FRMPD4: variants seen among roughly 807,000 people sequenced by gnomAD.
FRMPD4 encodes the protein FERM and PDZ domain-containing protein 4.
Under a neutral mutation model 94.1 loss-of-function variants are expected in FRMPD4, and 22 were observed. That is an observed-to-expected ratio of 0.23 (90% confidence interval 0.17 to 0.33). The LOEUF (loss-of-function observed/expected upper bound fraction) is 0.33. Among genes scored for constraint, FRMPD4 ranks in the 10% least tolerant of loss-of-function variants. The pLI, the probability that FRMPD4 is intolerant of heterozygous loss-of-function variation, is 1.00. For missense variants in FRMPD4, 1,111 were observed against 1,339.9 expected (o/e 0.83, Z 2.67); for synonymous variants, 631 against 548.6 (o/e 1.15, Z -2.10).
intron 1 of FRMPD4, among the ~76,000 whole-genome samples, chrX:11,836,150 C>T (rs1229841951): frequency 9.0e-6 from 1 of 111,390 alleles, no homozygotes; most frequent in African/African-American, 3.3e-5. Flanking sequence ...ATATCTTTTC[C>T]TCTTGGTGAT....
chrX:12,387,460 G>A (rs1470410382), intron 1 of FRMPD4, among the ~76,000 whole-genome samples: 2 of 111,877 alleles, frequency 1.8e-5, no homozygotes, highest in Admixed American at 1.9e-4. Context: ...AGAGTGAAAT[G>A]AATCTCACTC....
chrX:12,234,579 C>T (rs1454730636), intron 1 of FRMPD4, among the ~76,000 whole-genome samples: 2 of 111,842 alleles, frequency 1.8e-5, no homozygotes, highest in Non-Finnish European at 3.8e-5. Context: ...GTTTCTCCTA[C>T]TGCACTTTGT....
At chrX:12,211,035 G>C (rs966111944) in intron 1 of FRMPD4, among the ~76,000 whole-genome samples, 1 of 112,275 alleles carries the variant, frequency 8.9e-6, no homozygotes, top group Non-Finnish European at 1.9e-5. Context: ...TTCAGTGGGT[G>C]ATTATTCATT....
chrX:12,262,336 C>T (rs923682892), intron 1 of FRMPD4, among the ~76,000 whole-genome samples: 1 of 111,360 alleles, frequency 9.0e-6, no homozygotes, highest in Non-Finnish European at 1.9e-5. Context: ...GCTTGAACTC[C>T]TGGCCTAAAG....
chrX:12,183,017 G>C (rs2056379782), intron 1 of FRMPD4, among the ~76,000 whole-genome samples: 1 of 111,242 alleles, frequency 9.0e-6, no homozygotes, highest in East Asian at 2.8e-4. Flanking sequence ...TCTGGGATTT[G>C]AAGTCTCGTC....
intron 3 of FRMPD4, among the ~76,000 whole-genome samples, chrX:12,025,409 AG>A (rs1403376750): frequency 9.0e-6 from 1 of 110,594 alleles, no homozygotes; most frequent in East Asian, 2.8e-4. Flanking sequence ...GAAAAAAAAA[AG>A]GAACTCCTGA....
At chrX:12,635,631 C>T (rs892047558) in intron 4 of FRMPD4, among the ~76,000 whole-genome samples, 4 of 110,876 alleles carry the variant, frequency 3.6e-5, no homozygotes, top group East Asian at 2.8e-4. Context: ...TATTCCTGCC[C>T]GTGAGAAAAG....
chrX:12,498,877 T>A, intron 2 of FRMPD4, 81 bp downstream of exon 2: 1 of 541,307 alleles, frequency 1.8e-6, no homozygotes, highest in Non-Finnish European at 3.0e-6. Flanking sequence ...TGAACATACT[T>A]AAATTAGGCA....
At chrX:12,659,206 T>C (rs149919099) in intron 4 of FRMPD4, among the ~76,000 whole-genome samples, 219 of 112,696 alleles carry the variant, frequency 1.9e-3, no homozygotes, top group African/African-American at 6.5e-3. Context: ...CTACTCATTG[T>C]TGCTAACTTG....
chrX:11,894,105 G>A (rs2053889756), intron 3 of FRMPD4, among the ~76,000 whole-genome samples: 2 of 111,740 alleles, frequency 1.8e-5, no homozygotes, highest in Non-Finnish European at 3.8e-5. Flanking sequence ...TGAGCCTGCA[G>A]CCTGCTTGTG....
chrX:12,693,214 A>G (rs1159357786), intron 8 of FRMPD4, among the ~76,000 whole-genome samples: 1 of 112,378 alleles, frequency 8.9e-6, no homozygotes, highest in Non-Finnish European at 1.9e-5. Context: ...TGTCCCCTGC[A>G]TAAGAGTATT....
chrX:11,892,457 C>A (rs2053880429), intron 3 of FRMPD4, among the ~76,000 whole-genome samples: 1 of 112,054 alleles, frequency 8.9e-6, no homozygotes, highest in African/African-American at 3.3e-5. Flanking sequence ...GGAGTGGAAT[C>A]CCTCTTGATC....
At chrX:12,696,022 C>T (rs1352136340) in intron 9 of FRMPD4, among the ~76,000 whole-genome samples, 1 of 112,465 alleles carries the variant, frequency 8.9e-6, no homozygotes, top group African/African-American at 3.2e-5. Context: ...AGGCGTGAGC[C>T]ACCGCGCCCA....
chrX:12,674,629 A>G (rs1057302098), intron 4 of FRMPD4, among the ~76,000 whole-genome samples: 5 of 111,998 alleles, frequency 4.5e-5, no homozygotes, highest in Admixed American at 9.4e-5. Flanking sequence ...ATATTGCCCA[A>G]TGTAAACTTA....
chrX:12,076,719 A>G (rs1333533948), intron 3 of FRMPD4, among the ~76,000 whole-genome samples: 2 of 110,838 alleles, frequency 1.8e-5, no homozygotes, highest in Non-Finnish European at 3.8e-5. Flanking sequence ...CTACCACTTT[A>G]TCTATGCATT....
chrX:11,838,283 C>T (rs7885958), intron 1 of FRMPD4, among the ~76,000 whole-genome samples: 11,013 of 110,394 alleles, frequency 0.1, 582 homozygotes, highest in East Asian at 0.26. Context: ...ATATATACTT[C>T]GGTTCAGTAC....
rs767157739 is a variant in FRMPD4, at chrX:12,526,092, AG to A, written c.158+27299del. The stretch of plus-strand genomic sequence containing the variant: ...TTTTTCTCAAGTCTGAGAGTGCTAC[AG>A]GGTAGGTAATTTAAAGTTGAGGGCC... On this transcript the variant is annotated intron_variant, in intron 2 of 16. Transcript: ENST00000675598. Among the ~76,000 whole-genome samples, 3 of 112,459 alleles carry A rather than the reference AG, an allele frequency of 2.7e-5. No individual in the cohort carries two copies. In the East Asian group the frequency reaches 8.3e-4, roughly 31 times the overall value.
At chrX:12,121,315 T>A (rs1032347746) in intron 3 of FRMPD4, among the ~76,000 whole-genome samples, 8 of 110,271 alleles carry the variant, frequency 7.3e-5, no homozygotes, top group African/African-American at 2.6e-4. Flanking sequence ...TTCTCACAAT[T>A]TTTTTTTGAA....
At chrX:12,554,998 CCT>C (rs1274261512) in intron 2 of FRMPD4, among the ~76,000 whole-genome samples, 2 of 111,729 alleles carry the variant, frequency 1.8e-5, no homozygotes, top group African/African-American at 6.5e-5. Context: ...CATCTCACCC[CCT>C]GACCACTCCA....
Sources: gnomAD v4.1 joint callset for allele counts (sites outside exome capture counted in the v4.1 genomes callset) on GRCh38, gnomAD v4.1.1 for gene constraint, MANE v1.5 for transcripts, NCBI Gene and HGNC (gene_info 2026-07-23, HGNC 2026-07-21) for gene names.